The following LINGO2 variants were observed in gnomAD, a reference collection of about 807,000 sequenced individuals.
LINGO2 encodes leucine rich repeat and Ig domain containing 2.
Under a neutral mutation model 30.6 loss-of-function variants are expected in LINGO2, and 14 were observed. That is an observed-to-expected ratio of 0.46 (90% CI 0.30 to 0.72). The LOEUF (loss-of-function observed/expected upper bound fraction) is 0.72. Among genes scored for constraint, LINGO2 ranks in the 30% least tolerant of loss-of-function variants. The probability of loss-of-function intolerance (pLI) is 0.07; values close to 1 mark genes in which losing one functional copy is unlikely to be tolerated. For synonymous variants in LINGO2, 317 were observed against 288.5 expected, an observed-to-expected ratio of 1.10 and a Z score of -1.00; for missense variants, 729 against 751.7, an observed-to-expected ratio of 0.97 and a Z score of 0.35.
chr9:28,983,551 A>G, the LINGO2 span, among the ~76,000 whole-genome samples: 78,034 of 151,656 alleles, frequency 0.51, 21,195 homozygotes, highest in Non-Finnish European at 0.6. Context: ...TAAAATTTCA[A>G]TAACTTGAAA....
the LINGO2 span, among the ~76,000 whole-genome samples, chr9:29,000,373 A>G: frequency 2.0e-5 from 3 of 151,954 alleles, no homozygotes; most frequent in Non-Finnish European, 2.9e-5. Context: ...GTCTGCATAC[A>G]CACTTTAAAT....
the LINGO2 span, among the ~76,000 whole-genome samples, chr9:29,139,063 CT>C: frequency 1.3e-5 from 2 of 152,254 alleles, no homozygotes; most frequent in African/African-American, 4.8e-5. Flanking sequence ...ACAAAGCCAG[CT>C]GCTATTATGT....
rs141846891 is a variant in LINGO2 at position 28,498,174 on chromosome 9, C to G, written c.-364-22149G>C. Among the ~76,000 whole-genome samples, 15 of 152,284 alleles carry G rather than the reference C, an allele frequency of 9.9e-5. No individual in the cohort carries two copies. The East Asian group carries it at 2.9e-3, about 30-fold the overall frequency. ...ACTCCGTGCTGGGAGAACCGCTACT[C>G]TCTTCAAAGCTGTCAGACAGGGACA... On this transcript the variant is annotated intron_variant, in intron 1 of 5. Transcript: ENST00000379992.
chr9:28,616,693 T>C (rs2135806203), intron 1 of LINGO2, among the ~76,000 whole-genome samples: 2 of 152,356 alleles, frequency 1.3e-5, no homozygotes, highest in Middle Eastern at 6.8e-3. Flanking sequence ...TGTTTTTAGC[T>C]GTGTGGACAC....
intron 4 of LINGO2, among the ~76,000 whole-genome samples, chr9:28,227,891 TC>T (rs919023098): frequency 6.6e-6 from 1 of 152,048 alleles, no homozygotes; most frequent in African/African-American, 2.4e-5. Context: ...ACTTGCCCTT[TC>T]CACAATTTAG....
At chr9:28,931,633 T>A in the LINGO2 span, among the ~76,000 whole-genome samples, 5,858 of 152,282 alleles carry the variant, frequency 0.038, 367 homozygotes, top group African/African-American at 0.13. Context: ...CATAGAGGCA[T>A]CGTACAGTAT....
chr9:28,245,957 T>C (rs1821982641), intron 4 of LINGO2, among the ~76,000 whole-genome samples: 1 of 152,124 alleles, frequency 6.6e-6, no homozygotes, highest in Non-Finnish European at 1.5e-5. Context: ...TTAAATTTCA[T>C]GTGGAATCAA....
the LINGO2 span, among the ~76,000 whole-genome samples, chr9:28,679,678 A>C: frequency 5.9e-5 from 9 of 152,196 alleles, no homozygotes; most frequent in Non-Finnish European, 1.2e-4. Context: ...ATTTTTAATA[A>C]TTATATTTAA....
At chr9:28,418,215 A>C (rs575038473) in intron 2 of LINGO2, among the ~76,000 whole-genome samples, 3 of 152,128 alleles carry the variant, frequency 2.0e-5, no homozygotes, top group Admixed American at 2.0e-4. Flanking sequence ...CAAAAATTAC[A>C]AGGACCTAGA....
chr9:28,445,825 T>A (rs1044168677), intron 2 of LINGO2, among the ~76,000 whole-genome samples: 1 of 152,186 alleles, frequency 6.6e-6, no homozygotes, highest in Non-Finnish European at 1.5e-5. Flanking sequence ...TGGCTATAAT[T>A]CCTTTTGTGA....
chr9:28,663,966 T>C (rs1197032635), intron 1 of LINGO2, among the ~76,000 whole-genome samples: 1 of 152,238 alleles, frequency 6.6e-6, no homozygotes, highest in South Asian at 2.1e-4. Flanking sequence ...TTATTAAGAC[T>C]GATGATACAA....
At chr9:29,074,716 C>T in the LINGO2 span, among the ~76,000 whole-genome samples, 16 of 129,780 alleles carry the variant, frequency 1.2e-4, no homozygotes, top group South Asian at 5.0e-4. Context: ...GACAGAGTCT[C>T]GCTCTCTCGC....
intron 2 of LINGO2, among the ~76,000 whole-genome samples, chr9:28,471,216 G>A (rs1825505379): frequency 6.6e-6 from 1 of 152,102 alleles, no homozygotes; most frequent in Non-Finnish European, 1.5e-5. Context: ...AAGTTTAGTT[G>A]TCTCACAGTT....
the LINGO2 span, among the ~76,000 whole-genome samples, chr9:28,959,491 G>A: frequency 6.6e-6 from 1 of 151,972 alleles, no homozygotes; most frequent in Non-Finnish European, 1.5e-5. Context: ...CTAGATACAT[G>A]TATAGGATCA....
chr9:28,207,815 C>T (rs1564044058), intron 4 of LINGO2, among the ~76,000 whole-genome samples: 1 of 151,780 alleles, frequency 6.6e-6, no homozygotes, highest in East Asian at 1.9e-4. Context: ...TGTTTAATTC[C>T]AAAAATAGAC....
chr9:29,207,209 G>C, the LINGO2 span, among the ~76,000 whole-genome samples: 7 of 151,850 alleles, frequency 4.6e-5, no homozygotes, highest in African/African-American at 1.4e-4. Flanking sequence ...TGTATATAAA[G>C]GTCAAGTCAA....
intron 1 of LINGO2, among the ~76,000 whole-genome samples, chr9:28,546,952 G>T (rs1821982562): frequency 6.6e-6 from 1 of 152,066 alleles, no homozygotes; most frequent in African/African-American, 2.4e-5. Flanking sequence ...TGCATTGAAA[G>T]TCTTACCCTC....
At chr9:28,203,479 C>T (rs1325224615) in intron 4 of LINGO2, among the ~76,000 whole-genome samples, 2 of 151,998 alleles carry the variant, frequency 1.3e-5, no homozygotes, top group African/African-American at 4.8e-5. Context: ...GGTAGTGAGG[C>T]AGGGGAGGAG....
chr9:28,373,703 C>A (rs2134584654), intron 2 of LINGO2, among the ~76,000 whole-genome samples: 1 of 152,120 alleles, frequency 6.6e-6, no homozygotes, highest in Admixed American at 6.5e-5. Flanking sequence ...AGTTCAAGAC[C>A]AGCCTGGCCA....
Sources: gnomAD v4.1 joint callset for allele counts (sites outside exome capture counted in the v4.1 genomes callset) on GRCh38, gnomAD v4.1.1 for gene constraint, MANE v1.5 for transcripts, NCBI Gene and HGNC (gene_info 2026-07-23, HGNC 2026-07-21) for gene names.